NEGR1: variants seen among roughly 807,000 people sequenced by gnomAD.
The protein encoded by NEGR1 is neuronal growth regulator 1.
Under a neutral mutation model 40.9 loss-of-function variants are expected in NEGR1, and 10 were observed. The ratio of observed to expected loss-of-function variants is 0.24; its 90% CI spans 0.15 to 0.42. NEGR1 has a LOEUF of 0.42. Among genes scored for constraint, NEGR1 ranks in the 10% least tolerant of loss-of-function variants. The probability of loss-of-function intolerance (pLI) is 1.00; values close to 1 mark genes in which losing one functional copy is unlikely to be tolerated. For missense variants in NEGR1, 352 were observed against 438.9 expected (o/e 0.80, Z 1.77); for synonymous variants, 185 against 166.8 (o/e 1.11, Z -0.84).
intron 1 of NEGR1, among the ~76,000 whole-genome samples, chr1:72,200,431 T>C (rs1374933241): frequency 6.6e-6 from 1 of 151,902 alleles, no homozygotes; most frequent in Non-Finnish European, 1.5e-5. Flanking sequence ...AACTAAAGAT[T>C]GCATGTTCTC....
chr1:72,250,932 C>T (rs1028824568), intron 1 of NEGR1, among the ~76,000 whole-genome samples: 7 of 152,188 alleles, frequency 4.6e-5, no homozygotes, highest in Non-Finnish European at 8.8e-5. Flanking sequence ...AGATGATCTG[C>T]TCTATGTACT....
At chr1:71,896,995 C>A (rs1660993038) in intron 2 of NEGR1, among the ~76,000 whole-genome samples, 1 of 152,108 alleles carries the variant, frequency 6.6e-6, no homozygotes, top group Non-Finnish European at 1.5e-5. Context: ...TTGGTTACCC[C>A]ATCTGCTGTA....
chr1:72,208,178 G>T (rs1490737355), intron 1 of NEGR1, among the ~76,000 whole-genome samples: 1 of 151,764 alleles, frequency 6.6e-6, no homozygotes, highest in Admixed American at 6.6e-5. Context: ...ACATGTGTGT[G>T]CATTGTGCCT....
At chr1:71,774,314 A>G (rs1345248783) in intron 3 of NEGR1, among the ~76,000 whole-genome samples, 1 of 152,204 alleles carries the variant, frequency 6.6e-6, no homozygotes, top group Non-Finnish European at 1.5e-5. Flanking sequence ...GAGTCCTGCC[A>G]TGAATTTAAG....
chr1:72,143,930 T>TATATAAAA (rs372978582), intron 1 of NEGR1, among the ~76,000 whole-genome samples: 4 of 140,506 alleles, frequency 2.8e-5, no homozygotes, highest in Admixed American at 1.5e-4. Context: ...TATATATATA[T>TATATAAAA]ATATATATAT....
At chr1:71,687,654 C>T (rs1352695042) in intron 4 of NEGR1, among the ~76,000 whole-genome samples, 2 of 152,192 alleles carry the variant, frequency 1.3e-5, no homozygotes, top group Non-Finnish European at 2.9e-5. Flanking sequence ...ATTTCAGTGT[C>T]AGCCATTCTG....
At chr1:71,993,697 A>G (rs1364266104) in intron 1 of NEGR1, among the ~76,000 whole-genome samples, 2 of 152,248 alleles carry the variant, frequency 1.3e-5, no homozygotes, top group African/African-American at 2.4e-5. Flanking sequence ...TTAGTTTTCT[A>G]TGTAGTCACA....
At chr1:72,188,078 T>C (rs570230641) in intron 1 of NEGR1, among the ~76,000 whole-genome samples, 148 of 151,638 alleles carry the variant, frequency 9.8e-4, no homozygotes, top group African/African-American at 3.5e-3. Context: ...TAAAGGAATG[T>C]TAAACTGATG....
intron 1 of NEGR1, among the ~76,000 whole-genome samples, chr1:72,132,388 A>C (rs941493285): frequency 6.6e-6 from 1 of 152,210 alleles, no homozygotes; most frequent in Non-Finnish European, 1.5e-5. Flanking sequence ...GTTCAGGAGG[A>C]GCCTGAGCCT....
At chr1:71,456,583 C>A (rs1402636216) in intron 6 of NEGR1, among the ~76,000 whole-genome samples, 1 of 152,116 alleles carries the variant, frequency 6.6e-6, no homozygotes, top group South Asian at 2.1e-4. Context: ...TCATTTTTTT[C>A]TTCCCCGCAA....
intron 2 of NEGR1, among the ~76,000 whole-genome samples, chr1:71,900,792 ATTTG>A (rs1424043686): frequency 6.6e-6 from 1 of 152,138 alleles, no homozygotes; most frequent in Non-Finnish European, 1.5e-5. Flanking sequence ...GAAAATGTAG[ATTTG>A]TTTAATTAAT....
intron 6 of NEGR1, among the ~76,000 whole-genome samples, chr1:71,441,762 G>A (rs1646548692): frequency 6.6e-6 from 1 of 152,006 alleles, no homozygotes; most frequent in African/African-American, 2.4e-5. Context: ...ATACTTCAAG[G>A]GGTAACTGCA....
At chr1:71,615,836 C>T (rs550340925) in intron 4 of NEGR1, among the ~76,000 whole-genome samples, 8 of 152,206 alleles carry the variant, frequency 5.3e-5, no homozygotes, top group Middle Eastern at 3.4e-3. Context: ...GAGAGGAAAC[C>T]GGCAGAATAA....
intron 4 of NEGR1, among the ~76,000 whole-genome samples, chr1:71,675,126 T>TATATATATATATATATACAC (rs145354058): frequency 0.051 from 3,985 of 77,788 alleles, 316 homozygotes; most frequent in Admixed American, 0.11. Flanking sequence ...TATATATATA[T>TATATATATATATATATACAC]ACACACACAC....
chr1:71,619,877 C>A (rs1292857858), intron 4 of NEGR1, among the ~76,000 whole-genome samples: 1 of 152,032 alleles, frequency 6.6e-6, no homozygotes, highest in Non-Finnish European at 1.5e-5. Flanking sequence ...ACCCAACAAG[C>A]CTAATCAAGA....
intron 6 of NEGR1, among the ~76,000 whole-genome samples, chr1:71,472,285 C>T (rs1215681711): frequency 6.6e-6 from 1 of 152,054 alleles, no homozygotes; most frequent in Admixed American, 6.6e-5. Flanking sequence ...GTCTGACTGG[C>T]TATCATTTTT....
intron 2 of NEGR1, among the ~76,000 whole-genome samples, chr1:71,872,599 T>A (rs1034799541): frequency 1.3e-5 from 2 of 152,166 alleles, no homozygotes; most frequent in African/African-American, 4.8e-5. Context: ...GCGCCTCTAT[T>A]CACCACGTTG....
chr1:71,709,016 T>C (rs575494813), intron 3 of NEGR1, among the ~76,000 whole-genome samples: 1 of 152,292 alleles, frequency 6.6e-6, no homozygotes, highest in East Asian at 1.9e-4. Context: ...GTTGATTCCA[T>C]GACTTTGCTA....
intron 6 of NEGR1, among the ~76,000 whole-genome samples, chr1:71,506,308 G>C (rs1647034629): frequency 6.6e-6 from 1 of 152,154 alleles, no homozygotes; most frequent in African/African-American, 2.4e-5. Context: ...GTTCGTAACA[G>C]TAGACCAGGG....
Sources: allele counts gnomAD v4.1 joint callset (sites outside exome capture counted in the v4.1 genomes callset), GRCh38; gene constraint gnomAD v4.1.1; transcripts MANE v1.5; gene names NCBI Gene and HGNC (gene_info 2026-07-23, HGNC 2026-07-21).